DRG1: variants seen among roughly 807,000 people sequenced by gnomAD.
DRG1 encodes the protein developmentally regulated GTP binding protein 1.
DRG1 carries 19 observed loss-of-function variants against 38.8 expected under a neutral mutation model. The observed-to-expected ratio is 0.49, with a 90% CI of 0.34 to 0.72. The LOEUF (loss-of-function observed/expected upper bound fraction) is 0.72, where lower values mean the gene tolerates loss of function less well. DRG1 is among the 30% of genes least tolerant of loss of function. DRG1 has a pLI of 0.01. For missense variants in DRG1, 299 were observed against 444.8 expected (o/e 0.67, Z 2.95); for synonymous variants, 167 against 157.5 (o/e 1.06, Z -0.45).
intron 8 of DRG1, among the ~76,000 whole-genome samples, chr22:31,430,205 T>A (rs1342775668): frequency 1.3e-5 from 2 of 152,182 alleles, no homozygotes; most frequent in East Asian, 1.9e-4. Context: ...AAGTAGGTTA[T>A]CATTGCCTGT....
chr22:31,412,904 C>CT (rs1023158405), intron 4 of DRG1, among the ~76,000 whole-genome samples: 2 of 151,218 alleles, frequency 1.3e-5, no homozygotes, highest in Non-Finnish European at 2.9e-5. Context: ...CCTGGGTTGC[C>CT]TTTTTTTTAT....
In DRG1 at chr22:31,433,272, A is replaced by ATTTTTTTTT. The variant is rs695603; in HGVS notation, c.1005-591_1005-583dup. 2.3e-3 allele frequency among the ~76,000 whole-genome samples: 299 copies of ATTTTTTTTT among 132,598 alleles called. 2 individuals are homozygous for ATTTTTTTTT. Among genetic ancestry groups the ATTTTTTTTT allele is most frequent in the African/African-American group, 7.1e-3 (254 of 35,906 alleles). 87.0% of individuals were successfully genotyped at this position (132,598 alleles called of 152,430 possible). A position where few individuals can be genotyped will look rare whatever the true frequency, so the allele number is the denominator to read the frequency against. ...ATTTCTCTATGAAGATTAAAGACGG[A>ATTTTTTTTT]TTTTTTTTTTTTTTTTTGAGGCGGA... On this transcript the variant is annotated intron_variant, in intron 8 of 8. Coordinates refer to ENST00000331457, the MANE Select transcript of DRG1 (RefSeq NM_004147.4).
chr22:31,421,279 A>ATTTTTTTTT (rs201178656), intron 5 of DRG1: 3 of 119,580 alleles, frequency 2.5e-5, no homozygotes, highest in South Asian at 2.5e-4. Context: ...GGCTTGGCTA[A>ATTTTTTTTT]TTTTTTTTTT....
At chr22:31,400,582 A>G in intron 1 of DRG1, 38 bp from the exon 2 acceptor site, 1 of 1,602,448 alleles carries the variant, frequency 6.2e-7, no homozygotes, top group Non-Finnish European at 8.5e-7. Context: ...GGAAGCGTTC[A>G]CTGCTTCTAA....
At chr22:31,409,887 C>T (rs1263702785) in intron 3 of DRG1, among the ~76,000 whole-genome samples, 1 of 152,048 alleles carries the variant, frequency 6.6e-6, no homozygotes, top group Non-Finnish European at 1.5e-5. Flanking sequence ...CCCAGCTACT[C>T]TGGAGGCTGA....
intron 5 of DRG1, among the ~76,000 whole-genome samples, chr22:31,421,851 T>C (rs940009317): frequency 1.3e-5 from 2 of 152,144 alleles, no homozygotes; most frequent in African/African-American, 4.8e-5. Flanking sequence ...GTGCAGTGGC[T>C]CACACCTGTA....
At chr22:31,409,383 C>T (rs901013822) in intron 3 of DRG1, among the ~76,000 whole-genome samples, 2 of 152,070 alleles carry the variant, frequency 1.3e-5, no homozygotes, top group Admixed American at 6.6e-5. Flanking sequence ...GTTACTGGGC[C>T]CAGCCTGAGC....
At chr22:31,402,559 A>T (rs1355574696) in intron 2 of DRG1, among the ~76,000 whole-genome samples, 1 of 127,496 alleles carries the variant, frequency 7.8e-6, no homozygotes, top group South Asian at 2.6e-4. Context: ...CCCAGGCTGG[A>T]GTACAGTGGT....
chr22:31,400,489 A>C, intron 1 of DRG1, 131 bp from the exon 2 acceptor site: 1 of 1,144,874 alleles, frequency 8.7e-7, no homozygotes, highest in African/African-American at 1.6e-5. Context: ...GAGATAATGG[A>C]CTTTTACTCT....
At chr22:31,404,319 A>G (rs1230340991) in intron 3 of DRG1, among the ~76,000 whole-genome samples, 1 of 150,554 alleles carries the variant, frequency 6.6e-6, no homozygotes, top group Non-Finnish European at 1.5e-5. Flanking sequence ...AGCTCACTGC[A>G]ATCTCCGCCT....
chr22:31,400,839 C>T, intron 2 of DRG1, 96 bp downstream of exon 2: 1 of 1,406,662 alleles, frequency 7.1e-7, no homozygotes, highest in South Asian at 1.3e-5. Context: ...TGGCCCAGTG[C>T]AGTGGCTCAA....
intron 5 of DRG1, chr22:31,421,303 G>A (rs1028718937): frequency 5.9e-5 from 4 of 67,980 alleles, no homozygotes; most frequent in African/African-American, 2.5e-4. Context: ...TTTTTTTTTT[G>A]GTAGAAACGG....
At chr22:31,402,535 G>T (rs1355899090) in intron 2 of DRG1, among the ~76,000 whole-genome samples, 1 of 145,098 alleles carries the variant, frequency 6.9e-6, no homozygotes, top group African/African-American at 2.6e-5. Flanking sequence ...TCGAGACAGG[G>T]TCTTGCTCTG....
intron 4 of DRG1, among the ~76,000 whole-genome samples, chr22:31,414,931 C>T (rs2050036150): frequency 6.6e-6 from 1 of 151,990 alleles, no homozygotes; most frequent in Non-Finnish European, 1.5e-5. Context: ...CAGGCATGTA[C>T]CATCATACCC....
intron 8 of DRG1, among the ~76,000 whole-genome samples, chr22:31,427,970 C>T (rs2050120031): frequency 6.6e-6 from 1 of 152,046 alleles, no homozygotes; most frequent in African/African-American, 2.4e-5. Flanking sequence ...CTCTTGACCT[C>T]AGCCCCCCAA....
At chr22:31,415,144 G>GT (rs1451183206) in intron 4 of DRG1, among the ~76,000 whole-genome samples, 3 of 152,072 alleles carry the variant, frequency 2.0e-5, no homozygotes, top group Non-Finnish European at 4.4e-5. Context: ...TTGTCTTACT[G>GT]TTTTTCAAGT....
At position 31,400,600 on chromosome 22, in the gene DRG1, C is replaced by T. The variant is rs754020082; in HGVS notation, c.43-20C>T. ...AGCGTTCACTGCTTCTAATTTATGG[C>T]TGTGATTCCTCCCTTTTAGATGGCT... On this transcript the variant is annotated intron_variant, in intron 1 of 8. Transcript: ENST00000331457. 1.9e-6 allele frequency: 3 copies of T among 1,608,778 alleles called. No individual in the cohort carries two copies. In the East Asian group the frequency reaches 6.7e-5, roughly 36 times the overall value.
chr22:31,429,605 G>C (rs1328645832), intron 8 of DRG1, among the ~76,000 whole-genome samples: 2 of 151,202 alleles, frequency 1.3e-5, no homozygotes, highest in African/African-American at 4.9e-5. Context: ...CAAAGCTTTG[G>C]CCATTAGGAA....
chr22:31,428,672 C>G (rs1462311437), intron 8 of DRG1, among the ~76,000 whole-genome samples: 6 of 151,990 alleles, frequency 3.9e-5, no homozygotes, highest in African/African-American at 1.5e-4. Flanking sequence ...TTTTGTGTTC[C>G]AGGAACCTGT....
Sources: allele counts gnomAD v4.1 joint callset (sites outside exome capture counted in the v4.1 genomes callset), GRCh38; gene constraint gnomAD v4.1.1; transcripts MANE v1.5; gene names NCBI Gene and HGNC (gene_info 2026-07-23, HGNC 2026-07-21).